THSD4: variants seen among roughly 807,000 people sequenced by gnomAD.
THSD4 encodes thrombospondin type 1 domain containing 4.
Under a neutral mutation model 119.0 loss-of-function variants are expected in THSD4, and 69 were observed. The ratio of observed to expected loss-of-function variants is 0.58; its 90% CI spans 0.48 to 0.71. THSD4 has a LOEUF of 0.71. Among genes scored for constraint, THSD4 ranks in the 30% least tolerant of loss-of-function variants. The pLI is 0.00. For synonymous variants in THSD4, 524 were observed against 540.4 expected, an observed-to-expected ratio of 0.97 and a Z score of 0.42; for missense variants, 1,393 against 1,391.1, an observed-to-expected ratio of 1.00 and a Z score of -0.02.
At chr15:71,431,403 A>G (rs1189428179) in intron 7 of THSD4, among the ~76,000 whole-genome samples, 4 of 152,300 alleles carry the variant, frequency 2.6e-5, no homozygotes, top group South Asian at 2.1e-4. Context: ...TATTTTTTTC[A>G]TGAACCTTCT....
intron 7 of THSD4, among the ~76,000 whole-genome samples, chr15:71,493,416 A>T (rs996091872): frequency 1.3e-5 from 2 of 152,208 alleles, no homozygotes; most frequent in Non-Finnish European, 2.9e-5. Flanking sequence ...ACCTCTATTT[A>T]TGTAGCACCC....
At chr15:71,268,986 A>T (rs1273711341) in intron 6 of THSD4, among the ~76,000 whole-genome samples, 1 of 152,180 alleles carries the variant, frequency 6.6e-6, no homozygotes, top group African/African-American at 2.4e-5. Flanking sequence ...CTACCAACCA[A>T]AAAAAGCCCA....
At position 71,261,628 on chromosome 15, in the gene THSD4, C is replaced by T. The variant is rs1325275202; in HGVS notation, c.1015+4913C>T. Among the ~76,000 whole-genome samples the T allele has an allele frequency of 2.0e-5, 3 of 152,040 alleles. No homozygotes were observed. The East Asian group carries it at 5.8e-4, about 29-fold the overall frequency. On this transcript the variant is annotated intron_variant, in intron 6 of 17. Coordinates refer to ENST00000261862, the MANE Select transcript of THSD4 (RefSeq NM_024817.3). ...GGGTTAGCTCAGGTCATGTGACCAA[C>T]CCTATGGTAGGGGACCCACATCGCA...
At chr15:71,366,196 C>T (rs985049037) in intron 6 of THSD4, among the ~76,000 whole-genome samples, 4 of 152,282 alleles carry the variant, frequency 2.6e-5, no homozygotes, top group African/African-American at 9.6e-5. Context: ...GCCTCAGCCT[C>T]CCCAGCAGCT....
At chr15:71,415,591 G>A (rs2046748809) in intron 7 of THSD4, among the ~76,000 whole-genome samples, 2 of 151,978 alleles carry the variant, frequency 1.3e-5, no homozygotes, top group African/African-American at 2.4e-5. Context: ...ATTATTGACT[G>A]TAGTCACCCT....
chr15:71,518,714 C>T (rs1041736632), intron 7 of THSD4, among the ~76,000 whole-genome samples: 5 of 152,076 alleles, frequency 3.3e-5, no homozygotes, highest in African/African-American at 9.7e-5. Flanking sequence ...CTCAGAGAGG[C>T]GAATAATTTC....
At chr15:71,375,535 C>T (rs1374215949) in intron 6 of THSD4, among the ~76,000 whole-genome samples, 2 of 152,160 alleles carry the variant, frequency 1.3e-5, no homozygotes, top group Admixed American at 6.5e-5. Flanking sequence ...CTTTGCCTGT[C>T]TGTGTTACTC....
rs1253199546 is a variant in THSD4, at chr15:71,777,589, C to T, written c.*215C>T. 2 of 610,032 alleles carry T rather than the reference C, an allele frequency of 3.3e-6. No individual in the cohort carries two copies. The highest frequency in any genetic ancestry group is 5.7e-6 in the Non-Finnish European group (2 of 352,774). The allele number at this position is 610,032 out of a possible 1,614,324, so 37.8% of individuals were successfully genotyped here. On this transcript the variant is annotated 3_prime_UTR_variant, in exon 18 of 18. Coordinates refer to ENST00000261862, the MANE Select transcript of THSD4 (RefSeq NM_024817.3). Reference sequence around the variant, plus strand: ...CCACAGTCAGTCCTTTAAGCATCACCATGTACTGATGATCCCCTCCTTGGA... The same window carrying T: ...CCACAGTCAGTCCTTTAAGCATCACTATGTACTGATGATCCCCTCCTTGGA...
chr15:71,754,616 A>G (rs375020088), intron 14 of THSD4, among the ~76,000 whole-genome samples: 3 of 152,246 alleles, frequency 2.0e-5, no homozygotes, highest in African/African-American at 7.2e-5. Flanking sequence ...ATATGCAAAT[A>G]GCAAAATAGC....
In THSD4 at chr15:71,326,700, A is replaced by AATATAT. The variant is rs71154759; in HGVS notation, c.1015+70006_1015+70011dup. Among the ~76,000 whole-genome samples the AATATAT allele has an allele frequency of 4.0e-3, 26 of 6,452 alleles. 1 individual carries two copies. Among genetic ancestry groups the AATATAT allele is most frequent in the South Asian group, 0.014 (1 of 70 alleles). 4.2% of individuals were successfully genotyped at this position (6,452 alleles called of 152,430 possible). A position where few individuals can be genotyped will look rare whatever the true frequency, so the allele number is the denominator to read the frequency against. On this transcript the variant is annotated intron_variant, in intron 6 of 17. Transcript: ENST00000261862. ...AAAAAAAAAAAAAAAAAAAAAAAAA[A>AATATAT]ATATATATATATATATATATATATA...
intron 7 of THSD4, among the ~76,000 whole-genome samples, chr15:71,603,431 G>A (rs1462761944): frequency 2.0e-5 from 3 of 152,196 alleles, no homozygotes; most frequent in African/African-American, 7.2e-5. Context: ...GCAGAGGTGG[G>A]TCAGAGATTC....
chr15:71,525,712 A>G (rs2048508546), intron 7 of THSD4, among the ~76,000 whole-genome samples: 1 of 152,246 alleles, frequency 6.6e-6, no homozygotes, highest in African/African-American at 2.4e-5. Flanking sequence ...CTGTGTCCTA[A>G]ATCATGCTGA....
intron 6 of THSD4, among the ~76,000 whole-genome samples, chr15:71,409,155 T>TC (rs5813630): frequency 0.18 from 25,315 of 144,492 alleles, 2,693 homozygotes; most frequent in Middle Eastern, 0.28. Context: ...CTTTTTTTTT[T>TC]CCCCCCCCCT....
At chr15:71,332,261 G>A (rs550940335) in intron 6 of THSD4, among the ~76,000 whole-genome samples, 13 of 152,338 alleles carry the variant, frequency 8.5e-5, no homozygotes, top group South Asian at 2.1e-4. Context: ...AGCTGGAGCC[G>A]TTGGTCAATT....
At chr15:71,704,056 G>A (rs1277265024) in intron 8 of THSD4, among the ~76,000 whole-genome samples, 1 of 152,064 alleles carries the variant, frequency 6.6e-6, no homozygotes, top group Non-Finnish European at 1.5e-5. Flanking sequence ...CACCATGTTA[G>A]CCAGAATGGT....
At chr15:71,761,640 C>G (rs1049028023) in intron 15 of THSD4, among the ~76,000 whole-genome samples, 2 of 152,184 alleles carry the variant, frequency 1.3e-5, no homozygotes, top group Non-Finnish European at 2.9e-5. Flanking sequence ...CAAAAAGACA[C>G]CTGGCATCCA....
At chr15:71,111,695 A>T (rs764690864), upstream of THSD4, 11 of 538,080 alleles carry the variant, frequency 2.0e-5, no homozygotes, top group African/African-American at 3.8e-5. Context: ...CAGAGCTTGA[A>T]ATTAGGGGTT....
intron 7 of THSD4, among the ~76,000 whole-genome samples, chr15:71,602,815 T>C (rs180934593): frequency 1.2e-4 from 18 of 152,314 alleles, no homozygotes; most frequent in Admixed American, 1.2e-3. Context: ...TTGACTGTTG[T>C]ACCACTTTGT....
At chr15:71,550,444 T>G (rs2048909524) in intron 7 of THSD4, among the ~76,000 whole-genome samples, 1 of 152,208 alleles carries the variant, frequency 6.6e-6, no homozygotes, top group Non-Finnish European at 1.5e-5. Flanking sequence ...TTCTTTAATT[T>G]TCTTATTTTT....
Sources: gnomAD v4.1 joint callset for allele counts (sites outside exome capture counted in the v4.1 genomes callset) on GRCh38, gnomAD v4.1.1 for gene constraint, MANE v1.5 for transcripts, NCBI Gene and HGNC (gene_info 2026-07-23, HGNC 2026-07-21) for gene names.